The following GPRIN3 variants were observed in gnomAD, a reference collection of about 807,000 sequenced individuals.
GPRIN3 encodes the protein GPRIN family member 3.
In GPRIN3, 12 loss-of-function variants were observed where a neutral mutation model predicts 13.7. The observed-to-expected ratio is 0.87, with a 90% CI of 0.56 to 1.42. GPRIN3 has a LOEUF of 1.42. Among genes scored for constraint, GPRIN3 ranks in the 40% most tolerant of loss-of-function variants. The pLI is 0.00. For synonymous variants in GPRIN3, 377 were observed against 372.7 expected (o/e 1.01, Z -0.13); for missense variants, 1,009 against 958.7 (o/e 1.05, Z -0.69).
intron 1 of GPRIN3, among the ~76,000 whole-genome samples, chr4:89,297,779 T>A (rs909018800): frequency 9.2e-5 from 14 of 152,118 alleles, no homozygotes; most frequent in African/African-American, 3.4e-4. Flanking sequence ...GTATTTACAG[T>A]CCCATTGGAA....
rs945676600 is a variant in GPRIN3 at position 89,307,621 on chromosome 4, T to C, written c.-130A>G. The C allele has an allele frequency of 3.3e-5, 5 of 152,156 alleles. No individual in the cohort carries two copies. The highest frequency in any genetic ancestry group is 7.3e-5 in the Non-Finnish European group (5 of 68,088). The allele number at this position is 152,156 out of a possible 1,614,324, so 9.4% of individuals were successfully genotyped here. A position where few individuals can be genotyped will look rare whatever the true frequency, so the allele number is the denominator to read the frequency against. On this transcript the variant is annotated 5_prime_UTR_variant, in exon 1 of 2. Coordinates refer to ENST00000609438, the MANE Select transcript of GPRIN3 (RefSeq NM_198281.3). ...CGCAGGGGGCGTCTCCTACCTGCTC[T>C]GCCCGGCTCCGCGGCGCGGCGGGGC...
chr4:89,261,678 C>T (rs972443351), intron 1 of GPRIN3, among the ~76,000 whole-genome samples: 1 of 152,130 alleles, frequency 6.6e-6, no homozygotes, highest in Admixed American at 6.5e-5. Flanking sequence ...GATATATGCA[C>T]AAGGTTTTTC....
chr4:89,273,949 G>A (rs1487117598), intron 1 of GPRIN3, among the ~76,000 whole-genome samples: 2 of 152,190 alleles, frequency 1.3e-5, no homozygotes, highest in Non-Finnish European at 1.5e-5. Context: ...GCTAAAGTGG[G>A]CACTGAGGAT....
chr4:89,282,305 T>A (rs1440466443), intron 1 of GPRIN3, among the ~76,000 whole-genome samples: 2 of 152,232 alleles, frequency 1.3e-5, no homozygotes, highest in African/African-American at 4.8e-5. Context: ...ATCAATGTCA[T>A]ATGAGTATCT....
At chr4:89,282,624 A>C (rs989171016) in intron 1 of GPRIN3, among the ~76,000 whole-genome samples, 1 of 142,300 alleles carries the variant, frequency 7.0e-6, no homozygotes, top group African/African-American at 2.6e-5. Flanking sequence ...TTAGCTGATC[A>C]GCTATTGTTA....
At chr4:89,303,086 C>T (rs1724941924) in intron 1 of GPRIN3, among the ~76,000 whole-genome samples, 1 of 152,124 alleles carries the variant, frequency 6.6e-6, no homozygotes, top group Admixed American at 6.5e-5. Flanking sequence ...GTTTTCTTCT[C>T]TAACTTTGTC....
At chr4:89,295,950 C>CTTG (rs1724719257) in intron 1 of GPRIN3, among the ~76,000 whole-genome samples, 1 of 152,038 alleles carries the variant, frequency 6.6e-6, no homozygotes, top group African/African-American at 2.4e-5. Flanking sequence ...GTTTGATGTA[C>CTTG]TTGTTATATT....
Position 89,250,138 on chromosome 4 carries a change from G to A in GPRIN3, c.-28C>T. ...AATTTCTCTTCAGGAGCACTCCAGA[G>A]CTCTCTTGAGTACTGGTCCCACTGG... is the stretch of plus-strand genomic sequence containing the variant. On this transcript the variant is annotated 5_prime_UTR_variant, in exon 2 of 2. Coordinates refer to ENST00000609438, the MANE Select transcript of GPRIN3 (RefSeq NM_198281.3). 2 of 1,593,108 alleles carry A rather than the reference G, an allele frequency of 1.3e-6. No individual in the cohort carries two copies. Among genetic ancestry groups the A allele is most frequent in the Non-Finnish European group, 1.7e-6 (2 of 1,169,230 alleles).
chr4:89,276,420 T>A (rs1328772037), intron 1 of GPRIN3, among the ~76,000 whole-genome samples: 4 of 152,220 alleles, frequency 2.6e-5, no homozygotes, highest in Non-Finnish European at 5.9e-5. Context: ...ACTAGTCACT[T>A]CAATTATCAC....
intron 1 of GPRIN3, among the ~76,000 whole-genome samples, chr4:89,271,861 T>C (rs1385715765): frequency 6.6e-6 from 1 of 152,158 alleles, no homozygotes; most frequent in Non-Finnish European, 1.5e-5. Context: ...ACAACTCATG[T>C]TGAAACCTCA....
intron 1 of GPRIN3, among the ~76,000 whole-genome samples, chr4:89,254,456 C>T (rs753962547): frequency 2.6e-5 from 4 of 152,072 alleles, no homozygotes; most frequent in Admixed American, 1.3e-4. Flanking sequence ...CATCATTTAG[C>T]TCCCACTTAA....
chr4:89,293,630 C>A (rs1207606951), intron 1 of GPRIN3, among the ~76,000 whole-genome samples: 1 of 152,196 alleles, frequency 6.6e-6, no homozygotes, highest in Non-Finnish European at 1.5e-5. Flanking sequence ...GAGTCAAATA[C>A]AAGTTCCAGT....
chr4:89,253,112 T>C (rs981310463), intron 1 of GPRIN3, among the ~76,000 whole-genome samples: 1 of 151,938 alleles, frequency 6.6e-6, no homozygotes, highest in East Asian at 1.9e-4. Flanking sequence ...TTGTTACTTA[T>C]ATAAATGCCT....
rs559301559 is a variant in GPRIN3, at chr4:89,300,341, T to C, written c.-124+7274A>G. ...ACAAGTGACTTATATAAATGCTCAA[T>C]GTCAGTGAGACATTGAGAAGTGGGG... On this transcript the variant is annotated intron_variant, in intron 1 of 1. Coordinates refer to ENST00000609438, the MANE Select transcript of GPRIN3 (RefSeq NM_198281.3). Among the ~76,000 whole-genome samples, 10 of 152,266 alleles carry C rather than the reference T, an allele frequency of 6.6e-5. No individual in the cohort carries two copies. In the East Asian group the frequency reaches 7.7e-4, roughly 12 times the overall value.
chr4:89,286,206 G>A (rs988488400), intron 1 of GPRIN3, among the ~76,000 whole-genome samples: 6 of 152,042 alleles, frequency 3.9e-5, no homozygotes, highest in Non-Finnish European at 8.8e-5. Flanking sequence ...AACAATGGTA[G>A]TGAAAGGAGG....
At chr4:89,288,426 A>G (rs148562114) in intron 1 of GPRIN3, among the ~76,000 whole-genome samples, 157 of 152,294 alleles carry the variant, frequency 1.0e-3, no homozygotes, top group African/African-American at 3.6e-3. Context: ...CCTTTTCACA[A>G]ATGATTTTCT....
Position 89,247,958 on chromosome 4 carries a change from C to T in GPRIN3, c.2153G>A (p.Arg718Lys). 6.2e-7 allele frequency: 1 copy of T among 1,614,128 alleles called. No homozygotes were observed. The highest frequency in any genetic ancestry group is 8.5e-7 in the Non-Finnish European group (1 of 1,180,022). The change falls in exon 2 of 2, where the codon AGG becomes AAG. Residue 718 changes from arginine (R) to lysine (K), a missense_variant. By Grantham distance (26) the Arg-to-Lys change is conservative. Transcript: ENST00000609438. ...AGTTTTGATTAATTTCTCATGTTCC[C>T]TGATTTGTCTTTGCAAATGGTTCTG... ...AIQNHLQRQI[R>K]EHEKLIKTQN...
rs1204552835 is a variant in GPRIN3, at chr4:89,239,515, T to C, written c.*8265A>G. On this transcript the variant is annotated 3_prime_UTR_variant, in exon 2 of 2. Transcript: ENST00000609438. The stretch of plus-strand genomic sequence containing the variant: ...GTTCTTATAGCTGGTTAATCTTTTA[T>C]TTTTATTTAATATACAACGATGGCA... The C allele has an allele frequency of 6.6e-6, 1 of 152,238 alleles. No individual in the cohort carries two copies. Among genetic ancestry groups the C allele is most frequent in the Non-Finnish European group, 1.5e-5 (1 of 68,042 alleles). The allele number at this position is 152,238 out of a possible 1,614,324, so 9.4% of individuals were successfully genotyped here. A position where few individuals can be genotyped will look rare whatever the true frequency, so the allele number is the denominator to read the frequency against.
intron 1 of GPRIN3, among the ~76,000 whole-genome samples, chr4:89,260,646 G>T (rs1158279191): frequency 6.6e-6 from 1 of 152,174 alleles, no homozygotes; most frequent in Non-Finnish European, 1.5e-5. Flanking sequence ...CTTTGTAGAT[G>T]TTCAAATCAG....
Sources: gnomAD v4.1 joint callset for allele counts (sites outside exome capture counted in the v4.1 genomes callset) on GRCh38, gnomAD v4.1.1 for gene constraint, MANE v1.5 for transcripts, NCBI Gene and HGNC (gene_info 2026-07-23, HGNC 2026-07-21) for gene names.